TCF12: variants seen among roughly 807,000 people sequenced by gnomAD.
The protein encoded by TCF12 is DNA-binding protein HTF4.
In TCF12, 45 loss-of-function variants were observed where a neutral mutation model predicts 86.0. The ratio of observed to expected loss-of-function variants is 0.52; its 90% CI spans 0.41 to 0.67. TCF12 has a LOEUF of 0.67. Ranked by LOEUF, TCF12 falls within the 30% of genes least tolerant of loss-of-function variation. The pLI, the probability that TCF12 is intolerant of heterozygous loss-of-function variation, is 0.00. For synonymous variants in TCF12, 330 were observed against 299.6 expected, an observed-to-expected ratio of 1.10 and a Z score of -1.05; for missense variants, 881 against 859.9, an observed-to-expected ratio of 1.02 and a Z score of -0.31.
chr15:57,187,000 A>G (rs866027026), intron 6 of TCF12, among the ~76,000 whole-genome samples: 4 of 151,966 alleles, frequency 2.6e-5, no homozygotes, highest in Middle Eastern at 3.2e-3. Context: ...GGCCAACATG[A>G]TGAAACTCTG....
chr15:57,213,729 T>G (rs1254304843), intron 8 of TCF12, among the ~76,000 whole-genome samples: 1 of 152,318 alleles, frequency 6.6e-6, no homozygotes, highest in East Asian at 1.9e-4. Context: ...GGGTGGCACT[T>G]TCTTTAAGAG....
intron 19 of TCF12, among the ~76,000 whole-genome samples, chr15:57,277,627 CAAAAAA>C (rs572510620): frequency 5.3e-5 from 4 of 74,910 alleles, no homozygotes; most frequent in Admixed American, 1.3e-4. Flanking sequence ...GACTCCATCT[CAAAAAA>C]AAAAAAAAAA....
intron 4 of TCF12, among the ~76,000 whole-genome samples, chr15:57,069,009 A>G (rs1430247914): frequency 1.3e-5 from 2 of 152,092 alleles, no homozygotes; most frequent in Non-Finnish European, 2.9e-5. Context: ...CTGTTTCTAG[A>G]ATGTCGAGTT....
At chr15:57,055,098 A>G (rs560934750) in intron 3 of TCF12, among the ~76,000 whole-genome samples, 1 of 151,994 alleles carries the variant, frequency 6.6e-6, no homozygotes, top group African/African-American at 2.4e-5. Flanking sequence ...TCTTCCTCTG[A>G]TAACATTATC....
At chr15:57,021,102 A>G (rs2065451599) in intron 3 of TCF12, among the ~76,000 whole-genome samples, 1 of 152,172 alleles carries the variant, frequency 6.6e-6, no homozygotes, top group Admixed American at 6.6e-5. Context: ...TTGGTGTCCC[A>G]TATAGAACAA....
intron 3 of TCF12, among the ~76,000 whole-genome samples, chr15:56,947,652 T>C (rs2061068832): frequency 6.6e-6 from 1 of 152,218 alleles, no homozygotes; most frequent in Non-Finnish European, 1.5e-5. Flanking sequence ...TTTTAATTGT[T>C]TGCAGTAGAA....
chr15:57,135,275 G>GA (rs1217743566), intron 5 of TCF12, among the ~76,000 whole-genome samples: 1 of 152,050 alleles, frequency 6.6e-6, no homozygotes, highest in Non-Finnish European at 1.5e-5. Flanking sequence ...CCTGTAATTG[G>GA]AAAAAGAACT....
chr15:56,934,248 G>A lies in TCF12; in HGVS notation c.148+13150G>A, dbSNP rs557770808. On this transcript the variant is annotated intron_variant, in intron 3 of 20. Coordinates refer to ENST00000333725, the MANE Select transcript of TCF12 (RefSeq NM_207037.2). ...CAGGCTTAAGTATGAATGTGTGACA[G>A]CTGAATAGTTCCTAGGAATAGTCTG... 2.3e-4 allele frequency among the ~76,000 whole-genome samples: 35 copies of A among 152,290 alleles called. No homozygotes were observed. The South Asian group carries it at 2.9e-3, about 13-fold the overall frequency.
intron 3 of TCF12, among the ~76,000 whole-genome samples, chr15:56,926,150 A>G (rs1206121681): frequency 1.3e-5 from 2 of 152,156 alleles, no homozygotes; most frequent in Non-Finnish European, 2.9e-5. Context: ...TGTCTCTACC[A>G]AAAATACACA....
At chr15:56,975,550 A>C (rs2062553775) in intron 3 of TCF12, among the ~76,000 whole-genome samples, 1 of 152,176 alleles carries the variant, frequency 6.6e-6, no homozygotes, top group Admixed American at 6.5e-5. Flanking sequence ...TTACCTAATA[A>C]AGCCTGCCTA....
intron 18 of TCF12, among the ~76,000 whole-genome samples, chr15:57,271,851 G>A (rs2152093490): frequency 6.6e-6 from 1 of 152,222 alleles, no homozygotes; most frequent in African/African-American, 2.4e-5. Context: ...TATTATGTAT[G>A]TTAAAATGTA....
intron 12 of TCF12, 87 bp from the exon 13 acceptor site, chr15:57,243,385 G>A: frequency 1.7e-6 from 2 of 1,206,286 alleles, no homozygotes; most frequent in Non-Finnish European, 2.4e-6. Flanking sequence ...GTGACAACTA[G>A]ATTATAAAAA....
intron 3 of TCF12, among the ~76,000 whole-genome samples, chr15:56,986,143 A>T (rs2030283372): frequency 6.6e-6 from 1 of 152,162 alleles, no homozygotes; most frequent in African/African-American, 2.4e-5. Context: ...AACAGTTTTA[A>T]AAAGACATAG....
chr15:57,255,198 G>T (rs2060293586), intron 16 of TCF12, among the ~76,000 whole-genome samples: 1 of 152,134 alleles, frequency 6.6e-6, no homozygotes, highest in Non-Finnish European at 1.5e-5. Flanking sequence ...GCTCCTCCCA[G>T]TTGGAGTTTG....
intron 5 of TCF12, among the ~76,000 whole-genome samples, chr15:57,136,252 C>G (rs547402455): frequency 6.6e-6 from 1 of 152,156 alleles, no homozygotes; most frequent in Non-Finnish European, 1.5e-5. Flanking sequence ...TTTTGAGTAC[C>G]TAGGACATAC....
At chr15:57,005,753 A>G (rs1462056980) in intron 3 of TCF12, among the ~76,000 whole-genome samples, 2 of 151,996 alleles carry the variant, frequency 1.3e-5, no homozygotes, top group African/African-American at 2.4e-5. Flanking sequence ...ATTTTTTTGT[A>G]GAGACAGGGT....
At chr15:57,146,391 A>G (rs1466035596) in intron 5 of TCF12, among the ~76,000 whole-genome samples, 2 of 152,188 alleles carry the variant, frequency 1.3e-5, no homozygotes, top group African/African-American at 4.8e-5. Flanking sequence ...CATTTTCACC[A>G]TGTTACAGAG....
At chr15:57,170,790 TA>T (rs1465563560) in intron 6 of TCF12, among the ~76,000 whole-genome samples, 777 of 26,256 alleles carry the variant, frequency 0.03, 35 homozygotes, top group Non-Finnish European at 0.039. Flanking sequence ...TATATATATA[TA>T]ATATATATAT....
chr15:57,108,514 C>T (rs2050280841), intron 5 of TCF12, among the ~76,000 whole-genome samples: 1 of 152,128 alleles, frequency 6.6e-6, no homozygotes, highest in African/African-American at 2.4e-5. Context: ...GAAACTCTTA[C>T]ACAATTTCAG....
Sources: allele counts gnomAD v4.1 joint callset (sites outside exome capture counted in the v4.1 genomes callset), GRCh38; gene constraint gnomAD v4.1.1; transcripts MANE v1.5; gene names NCBI Gene and HGNC (gene_info 2026-07-23, HGNC 2026-07-21).